The following XKR4 variants were observed in gnomAD, a reference collection of about 807,000 sequenced individuals.
The protein encoded by XKR4 is XK-related protein 4.
In XKR4, 12 loss-of-function variants were observed where a neutral mutation model predicts 53.9. That is an observed-to-expected ratio of 0.22 (90% CI 0.14 to 0.36). XKR4 has a LOEUF of 0.36. Ranked by LOEUF, XKR4 falls within the 10% of genes least tolerant of loss-of-function variation. The pLI is 1.00. For missense variants in XKR4, 799 were observed against 859.5 expected, an observed-to-expected ratio of 0.93 and a Z score of 0.88; for synonymous variants, 354 against 362.4, an observed-to-expected ratio of 0.98 and a Z score of 0.26.
Position 55,357,160 on chromosome 8 carries a change from T to C in XKR4, c.807-518T>C, listed in dbSNP as rs1327178298. Among the ~76,000 whole-genome samples, 4 of 152,208 alleles carry C rather than the reference T, an allele frequency of 2.6e-5. No homozygotes were observed. The South Asian group carries it at 6.2e-4, about 24-fold the overall frequency. On this transcript the variant is annotated intron_variant, in intron 1 of 2. Transcript: ENST00000327381. ...GTTCAAGGATCAACTGTACTTACACTGAGTGAAAGGGTATAGTGGATGCAT... is the reference window on the plus strand; with the variant it reads ...GTTCAAGGATCAACTGTACTTACACCGAGTGAAAGGGTATAGTGGATGCAT...
At chr8:55,369,351 AAAGGG>A (rs751982806) in intron 2 of XKR4, among the ~76,000 whole-genome samples, 13 of 95,816 alleles carry the variant, frequency 1.4e-4, no homozygotes, top group South Asian at 4.3e-4. Context: ...CTGAGAAAGG[AAAGGG>A]AAGGGAAGGG....
intron 2 of XKR4, among the ~76,000 whole-genome samples, chr8:55,418,967 T>C (rs900778957): frequency 6.6e-6 from 1 of 152,178 alleles, no homozygotes; most frequent in African/African-American, 2.4e-5. Flanking sequence ...ATTGACTGTA[T>C]TTCCCAGTAG....
chr8:55,136,950 GC>G, intron 1 of XKR4, among the ~76,000 whole-genome samples: 1 of 152,164 alleles, frequency 6.6e-6, no homozygotes, highest in Non-Finnish European at 1.5e-5. Context: ...TAGAGAGAGA[GC>G]TAATTACAAT....
chr8:55,535,032 T>A lies in XKR4; in HGVS notation c.*10805T>A, dbSNP rs1807011497. The A allele has an allele frequency of 6.6e-6, 1 of 152,098 alleles. No individual in the cohort carries two copies. The highest frequency in any genetic ancestry group is 2.4e-5 in the African/African-American group (1 of 41,426). The allele number at this position is 152,098 out of a possible 1,614,324, so 9.4% of individuals were successfully genotyped here. A position where few individuals can be genotyped will look rare whatever the true frequency, so the allele number is the denominator to read the frequency against. ...CTTTTTCTTGTGTTTTGAAGATGTT[T>A]CTCCTCCCAAAGCTATCACCTTGGT... On this transcript the variant is annotated 3_prime_UTR_variant, in exon 3 of 3. Coordinates refer to ENST00000327381, the MANE Select transcript of XKR4 (RefSeq NM_052898.2).
chr8:55,269,998 G>T (rs1012669907), intron 1 of XKR4, among the ~76,000 whole-genome samples: 1 of 152,178 alleles, frequency 6.6e-6, no homozygotes, highest in Non-Finnish European at 1.5e-5. Flanking sequence ...TGGAGTCATT[G>T]GCATTGCTGT....
chr8:55,169,379 A>G (rs1416611322), intron 1 of XKR4, among the ~76,000 whole-genome samples: 1 of 152,222 alleles, frequency 6.6e-6, no homozygotes, highest in Non-Finnish European at 1.5e-5. Flanking sequence ...CCGTGGTTTC[A>G]TCCCTTTTCA....
chr8:55,137,568 A>C (rs1816648259), intron 1 of XKR4, among the ~76,000 whole-genome samples: 1 of 150,112 alleles, frequency 6.7e-6, no homozygotes, highest in African/African-American at 2.5e-5. Context: ...TTCACAGAAG[A>C]GAACTTTTTT....
At chr8:55,227,521 A>C (rs1408082319) in intron 1 of XKR4, among the ~76,000 whole-genome samples, 2 of 152,224 alleles carry the variant, frequency 1.3e-5, no homozygotes, top group Non-Finnish European at 2.9e-5. Flanking sequence ...GTTGTGTCTG[A>C]GTCCAAGCCC....
chr8:55,443,806 A>T (rs1805306126), intron 2 of XKR4, among the ~76,000 whole-genome samples: 1 of 142,214 alleles, frequency 7.0e-6, no homozygotes, highest in South Asian at 2.2e-4. Context: ...GTGCCACTGC[A>T]CTCTAGCCTG....
intron 1 of XKR4, among the ~76,000 whole-genome samples, chr8:55,172,447 T>C (rs570389151): frequency 6.6e-6 from 1 of 152,274 alleles, no homozygotes; most frequent in East Asian, 1.9e-4. Context: ...AAATGTTATA[T>C]TTTCTTCTAC....
At chr8:55,251,187 G>A (rs933326395) in intron 1 of XKR4, among the ~76,000 whole-genome samples, 5 of 152,130 alleles carry the variant, frequency 3.3e-5, no homozygotes, top group South Asian at 4.2e-4. Context: ...TTTAAGTATC[G>A]GTGTAGGTGT....
At chr8:55,399,594 A>C (rs967897896) in intron 2 of XKR4, among the ~76,000 whole-genome samples, 1 of 152,212 alleles carries the variant, frequency 6.6e-6, no homozygotes, top group African/African-American at 2.4e-5. Context: ...GGGTTCTTAG[A>C]ATAAGGGCAC....
chr8:55,219,765 T>C (rs1466186603), intron 1 of XKR4, among the ~76,000 whole-genome samples: 1 of 152,222 alleles, frequency 6.6e-6, no homozygotes, highest in Non-Finnish European at 1.5e-5. Flanking sequence ...TTTTTTATAA[T>C]CTTTACTCTT....
chr8:55,162,081 G>C (rs1382427379), intron 1 of XKR4, among the ~76,000 whole-genome samples: 3 of 152,134 alleles, frequency 2.0e-5, no homozygotes, highest in Admixed American at 2.0e-4. Flanking sequence ...AGCTCACCTT[G>C]ATCACCACCT....
chr8:55,539,057 C>T lies in XKR4; in HGVS notation c.*14830C>T, dbSNP rs1807068350. ...GATAAAGGACACAGTGTGAAAACAACATCAGAGAATATCCTGTACAACTTC... is the reference window on the plus strand; with the variant it reads ...GATAAAGGACACAGTGTGAAAACAATATCAGAGAATATCCTGTACAACTTC... On this transcript the variant is annotated 3_prime_UTR_variant, in exon 3 of 3. Transcript: ENST00000327381. The T allele has an allele frequency of 6.6e-6, 1 of 152,206 alleles. No individual in the cohort carries two copies. Among genetic ancestry groups the T allele is most frequent in the Admixed American group, 6.5e-5 (1 of 15,292 alleles). 9.4% of individuals were successfully genotyped at this position (152,206 alleles called of 1,614,324 possible). A position where few individuals can be genotyped will look rare whatever the true frequency, so the allele number is the denominator to read the frequency against.
At chr8:55,344,696 A>C (rs1803609282) in intron 1 of XKR4, among the ~76,000 whole-genome samples, 1 of 152,164 alleles carries the variant, frequency 6.6e-6, no homozygotes, top group Non-Finnish European at 1.5e-5. Context: ...AGGCGATGCG[A>C]GTGCATAGAG....
chr8:55,418,948 G>A (rs1457997505), intron 2 of XKR4, among the ~76,000 whole-genome samples: 7 of 151,440 alleles, frequency 4.6e-5, no homozygotes. Context: ...TTGTTCTTTA[G>A]ATTTGATTAT....
chr8:55,375,850 T>C (rs1804137659), intron 2 of XKR4, among the ~76,000 whole-genome samples: 1 of 152,096 alleles, frequency 6.6e-6, no homozygotes, highest in African/African-American at 2.4e-5. Context: ...AAGCCCCGCA[T>C]GCGTTAGCTC....
intron 2 of XKR4, chr8:55,449,451 C>A (rs1014855498): frequency 2.5e-5 from 21 of 827,124 alleles, no homozygotes; most frequent in East Asian, 2.4e-4. Flanking sequence ...GGCTGCCCTG[C>A]CCACCCCTAG....
Sources: gnomAD v4.1 joint callset for allele counts (sites outside exome capture counted in the v4.1 genomes callset) on GRCh38, gnomAD v4.1.1 for gene constraint, MANE v1.5 for transcripts, NCBI Gene and HGNC (gene_info 2026-07-23, HGNC 2026-07-21) for gene names.